C12orf42: variants seen among roughly 807,000 people sequenced by gnomAD.
The protein encoded by C12orf42 is chromosome 12 open reading frame 42.
A neutral mutation model predicts 21.6 loss-of-function variants in C12orf42; 25 were observed. The observed-to-expected ratio is 1.16, with a 90% CI of 0.84 to 1.62. The LOEUF (loss-of-function observed/expected upper bound fraction) is 1.62, where lower values mean the gene tolerates loss of function less well. Ranked by LOEUF, C12orf42 falls within the 40% of genes most tolerant of loss-of-function variation. The pLI, the probability that C12orf42 is intolerant of heterozygous loss-of-function variation, is 0.00. For missense variants in C12orf42, 483 were observed against 459.3 expected (o/e 1.05, Z -0.47); for synonymous variants, 174 against 175.0 (o/e 0.99, Z 0.05).
intron 2 of C12orf42, among the ~76,000 whole-genome samples, chr12:103,477,394 GC>G (rs1299676297): frequency 6.6e-6 from 1 of 152,106 alleles, no homozygotes; most frequent in Non-Finnish European, 1.5e-5. Context: ...AGTAAAGTAA[GC>G]AGGGGAAGGG....
intron 4 of C12orf42, among the ~76,000 whole-genome samples, chr12:103,289,369 A>G (rs1276335259): frequency 6.6e-6 from 1 of 152,196 alleles, no homozygotes; most frequent in African/African-American, 2.4e-5. Context: ...AGAGCATACC[A>G]GACAAAATAC....
the C12orf42 span, among the ~76,000 whole-genome samples, chr12:103,520,396 T>A: frequency 6.6e-6 from 1 of 152,074 alleles, no homozygotes; most frequent in South Asian, 2.1e-4. Flanking sequence ...TTTATTATTT[T>A]AAAAAATAAA....
chr12:103,137,740 G>A, the C12orf42 span, among the ~76,000 whole-genome samples: 25 of 152,194 alleles, frequency 1.6e-4, no homozygotes, highest in African/African-American at 5.8e-4. Context: ...GGAACTGGAG[G>A]GCGTTGTGTT....
At chr12:103,122,611 G>A in the C12orf42 span, among the ~76,000 whole-genome samples, 1 of 152,130 alleles carries the variant, frequency 6.6e-6, no homozygotes. Context: ...AGGTAGGAGA[G>A]CAAGTCATAC....
At chr12:103,255,024 T>G (rs1275995984) in intron 10 of C12orf42, among the ~76,000 whole-genome samples, 2 of 152,202 alleles carry the variant, frequency 1.3e-5, no homozygotes, top group Non-Finnish European at 2.9e-5. Context: ...ATTCATTATA[T>G]CAACTTTTAT....
intron 1 of C12orf42, among the ~76,000 whole-genome samples, chr12:103,482,600 A>G (rs1365936722): frequency 1.3e-5 from 2 of 152,022 alleles, no homozygotes; most frequent in Non-Finnish European, 2.9e-5. Context: ...TTTTATGCGT[A>G]CTGTCTGTGA....
the C12orf42 span, among the ~76,000 whole-genome samples, chr12:103,133,099 C>T: frequency 6.6e-6 from 1 of 152,154 alleles, no homozygotes; most frequent in Non-Finnish European, 1.5e-5. Flanking sequence ...CAGCCCAGTA[C>T]ACCACTGTTA....
chr12:103,492,246 C>T (rs1231385452), intron 1 of C12orf42, among the ~76,000 whole-genome samples: 2 of 152,208 alleles, frequency 1.3e-5, no homozygotes, highest in African/African-American at 2.4e-5. Context: ...GGGTGAGCCA[C>T]CGCACCTGGC....
chr12:103,391,205 G>C (rs2047051506), intron 3 of C12orf42, among the ~76,000 whole-genome samples: 1 of 152,040 alleles, frequency 6.6e-6, no homozygotes, highest in South Asian at 2.1e-4. Flanking sequence ...TGATGGCACT[G>C]AGTTTTTGTT....
intron 4 of C12orf42, among the ~76,000 whole-genome samples, chr12:103,319,191 C>A (rs1421649666): frequency 6.6e-6 from 1 of 152,168 alleles, no homozygotes; most frequent in Non-Finnish European, 1.5e-5. Flanking sequence ...TTCAAAAGCA[C>A]ATATTCAGGA....
At chr12:103,407,583 G>A (rs567661252) in intron 2 of C12orf42, among the ~76,000 whole-genome samples, 17 of 152,164 alleles carry the variant, frequency 1.1e-4, no homozygotes, top group Admixed American at 3.9e-4. Flanking sequence ...TATAATACAC[G>A]TAACATACAA....
intron 2 of C12orf42, among the ~76,000 whole-genome samples, chr12:103,459,207 C>A (rs1030324301): frequency 6.6e-6 from 1 of 152,186 alleles, no homozygotes; most frequent in Non-Finnish European, 1.5e-5. Flanking sequence ...CTGAGAGCAG[C>A]CCTTGAGAAG....
At chr12:103,486,392 T>C (rs2138131444) in intron 1 of C12orf42, among the ~76,000 whole-genome samples, 1 of 152,288 alleles carries the variant, frequency 6.6e-6, no homozygotes, top group Admixed American at 6.5e-5. Flanking sequence ...TTATTGAGGA[T>C]TTTTGCATCA....
upstream of C12orf42, among the ~76,000 whole-genome samples, chr12:103,496,640 T>A (rs542260712): frequency 1.4e-4 from 22 of 152,254 alleles, no homozygotes; most frequent in African/African-American, 5.3e-4. Flanking sequence ...AAAGAGTTGT[T>A]AAGTCTTCAT....
At chr12:103,183,047 T>C in the C12orf42 span, among the ~76,000 whole-genome samples, 2 of 152,234 alleles carry the variant, frequency 1.3e-5, no homozygotes, top group Non-Finnish European at 2.9e-5. Flanking sequence ...AAAGAATTTG[T>C]ATAAAGTTGG....
the C12orf42 span, among the ~76,000 whole-genome samples, chr12:103,050,646 C>T: frequency 6.6e-6 from 1 of 152,142 alleles, no homozygotes; most frequent in South Asian, 2.1e-4. Flanking sequence ...GCCCTAGACT[C>T]TTCACCTGCT....
At chr12:103,234,614 T>C (rs2136149593), downstream of C12orf42, among the ~76,000 whole-genome samples, 1 of 152,260 alleles carries the variant, frequency 6.6e-6, no homozygotes, top group East Asian at 1.9e-4. Flanking sequence ...TTTCTTGGAC[T>C]TTTTTCCAAA....
At chr12:103,368,254 G>A (rs2044806251) in intron 4 of C12orf42, 5 of 410,680 alleles carry the variant, frequency 1.2e-5, no homozygotes, top group South Asian at 9.1e-5. Context: ...TTTATTTAGG[G>A]AAATCATCCT....
chr12:103,421,327 T>C (rs2049881796), intron 2 of C12orf42, among the ~76,000 whole-genome samples: 2 of 152,256 alleles, frequency 1.3e-5, no homozygotes, highest in South Asian at 2.1e-4. Context: ...ATCACAACTT[T>C]AGGAGACCAA....
Sources: gnomAD v4.1 joint callset for allele counts (sites outside exome capture counted in the v4.1 genomes callset) on GRCh38, gnomAD v4.1.1 for gene constraint, MANE v1.5 for transcripts, NCBI Gene and HGNC (gene_info 2026-07-23, HGNC 2026-07-21) for gene names.